FBXW7: variants seen among roughly 807,000 people sequenced by gnomAD.
FBXW7 encodes the protein F-box/WD repeat-containing protein 7.
In FBXW7, 11 loss-of-function variants were observed where a neutral mutation model predicts 86.3. That is an observed-to-expected ratio of 0.13 (90% CI 0.08 to 0.21). FBXW7 has a LOEUF of 0.21. Among genes scored for constraint, FBXW7 ranks in the 10% least tolerant of loss-of-function variants. FBXW7 has a pLI of 1.00. For synonymous variants in FBXW7, 313 were observed against 297.9 expected, an observed-to-expected ratio of 1.05 and a Z score of -0.52; for missense variants, 488 against 847.4, an observed-to-expected ratio of 0.58 and a Z score of 5.27.
Position 152,322,523 on chromosome 4 carries a change from G to T in FBXW7, c.*358C>A, listed in dbSNP as rs1241178042. 1 of 275,370 alleles carries T rather than the reference G, an allele frequency of 3.6e-6. No homozygotes were observed. Among genetic ancestry groups the T allele is most frequent in the Non-Finnish European group, 7.0e-6 (1 of 143,354 alleles). 17.1% of individuals were successfully genotyped at this position (275,370 alleles called of 1,614,324 possible). A position where few individuals can be genotyped will look rare whatever the true frequency, so the allele number is the denominator to read the frequency against. ...TCAGTGGTAAAAGAACAGGCTAGCA[G>T]AATCTGTAATGATGTTTCAGCATTA... On this transcript the variant is annotated 3_prime_UTR_variant, in exon 14 of 14. Coordinates refer to ENST00000281708, the MANE Select transcript of FBXW7 (RefSeq NM_001349798.2).
chr4:152,405,517 G>A (rs1489789582), intron 4 of FBXW7, among the ~76,000 whole-genome samples: 1 of 152,058 alleles, frequency 6.6e-6, no homozygotes, highest in East Asian at 1.9e-4. Flanking sequence ...GTGGGAAATG[G>A]GGCACCAGAT....
At chr4:152,484,792 T>C (rs1022538466) in intron 2 of FBXW7, among the ~76,000 whole-genome samples, 1 of 151,920 alleles carries the variant, frequency 6.6e-6, no homozygotes, top group Non-Finnish European at 1.5e-5. Context: ...CGAAACCCTG[T>C]CTCTACTAAA....
intron 2 of FBXW7, among the ~76,000 whole-genome samples, chr4:152,489,814 C>T (rs1007960540): frequency 1.3e-5 from 2 of 151,936 alleles, no homozygotes; most frequent in African/African-American, 4.8e-5. Flanking sequence ...CCCTCAATAC[C>T]ACCCCCATGC....
intron 2 of FBXW7, among the ~76,000 whole-genome samples, chr4:152,508,682 A>T (rs1747670660): frequency 6.6e-6 from 1 of 151,626 alleles, no homozygotes; most frequent in Non-Finnish European, 1.5e-5. Context: ...AAAAAACAGC[A>T]AGGAAGTTAA....
intron 4 of FBXW7, among the ~76,000 whole-genome samples, chr4:152,351,092 T>C (rs1731771176): frequency 6.6e-6 from 1 of 152,046 alleles, no homozygotes; most frequent in Non-Finnish European, 1.5e-5. Flanking sequence ...TACTGCAAGT[T>C]ATAGGAGGAA....
chr4:152,333,019 T>TA (rs1309892223), intron 7 of FBXW7, among the ~76,000 whole-genome samples: 3 of 151,972 alleles, frequency 2.0e-5, no homozygotes, highest in South Asian at 2.1e-4. Context: ...CTCAATTTTT[T>TA]AAAAAAAATG....
At chr4:152,435,201 T>C (rs1034315467) in intron 2 of FBXW7, among the ~76,000 whole-genome samples, 1 of 152,108 alleles carries the variant, frequency 6.6e-6, no homozygotes, top group African/African-American at 2.4e-5. Flanking sequence ...AATGTTAAAG[T>C]AAGGAAAATG....
intron 9 of FBXW7, among the ~76,000 whole-genome samples, chr4:152,330,173 A>C (rs1206154598): frequency 6.6e-6 from 1 of 151,926 alleles, no homozygotes; most frequent in Non-Finnish European, 1.5e-5. Flanking sequence ...AATTATTAGC[A>C]TTCTTAAAAC....
Position 152,466,727 on chromosome 4 carries a change from G to A in FBXW7, c.-119-54198C>T, listed in dbSNP as rs559101039. ...GGAGGCCGAGGTGGGCGGATCACGAGGTCAGGAGATCGAGACCATCCTGGC... is the reference window on the plus strand; with the variant it reads ...GGAGGCCGAGGTGGGCGGATCACGAAGTCAGGAGATCGAGACCATCCTGGC... On this transcript the variant is annotated intron_variant, in intron 2 of 13. Transcript: ENST00000281708. 6.9e-4 allele frequency among the ~76,000 whole-genome samples: 105 copies of A among 152,232 alleles called. 2 individuals are homozygous for A. The highest frequency in any genetic ancestry group is 6.9e-3 in the Admixed American group (105 of 15,288).
intron 2 of FBXW7, among the ~76,000 whole-genome samples, chr4:152,445,876 C>T (rs1157206987): frequency 1.4e-5 from 2 of 140,872 alleles, no homozygotes; most frequent in Admixed American, 7.6e-5. Context: ...CGCCACTGTA[C>T]TCCAACCTGG....
At chr4:152,475,564 C>A (rs2149660316) in intron 2 of FBXW7, among the ~76,000 whole-genome samples, 2 of 152,184 alleles carry the variant, frequency 1.3e-5, no homozygotes, top group Middle Eastern at 3.4e-3. Flanking sequence ...AAAAGGTATA[C>A]AAATTTAAAA....
intron 4 of FBXW7, among the ~76,000 whole-genome samples, chr4:152,400,635 T>C (rs1181546288): frequency 2.0e-5 from 3 of 152,018 alleles, no homozygotes; most frequent in Admixed American, 1.3e-4. Context: ...GTGTGAGCCA[T>C]GGCACCCAGC....
intron 2 of FBXW7, among the ~76,000 whole-genome samples, chr4:152,487,938 CAG>C (rs1370678503): frequency 6.6e-6 from 1 of 151,984 alleles, no homozygotes; most frequent in Non-Finnish European, 1.5e-5. Flanking sequence ...TGTAAATTAA[CAG>C]AAGCAAATTG....
intron 2 of FBXW7, among the ~76,000 whole-genome samples, chr4:152,509,148 G>A (rs1332827380): frequency 1.3e-5 from 2 of 152,112 alleles, no homozygotes; most frequent in African/African-American, 2.4e-5. Flanking sequence ...AATACAACAC[G>A]TGAATAATTT....
intron 2 of FBXW7, among the ~76,000 whole-genome samples, chr4:152,459,836 A>G (rs1373051322): frequency 6.6e-6 from 1 of 152,246 alleles, no homozygotes; most frequent in Non-Finnish European, 1.5e-5. Context: ...TTATTGTGCT[A>G]TAATCACCTA....
At chr4:152,356,842 C>T (rs1473848489) in intron 4 of FBXW7, among the ~76,000 whole-genome samples, 1 of 152,084 alleles carries the variant, frequency 6.6e-6, no homozygotes, top group African/African-American at 2.4e-5. Context: ...GCAGTATTGG[C>T]CAATAAGCAA....
chr4:152,352,654 G>A (rs2126663451), intron 4 of FBXW7: 1 of 1,613,858 alleles, frequency 6.2e-7, no homozygotes, highest in South Asian at 1.1e-5. Flanking sequence ...AGGAAGATTA[G>A]GGAGCAGAAC....
At chr4:152,533,920 G>A (rs1045320261) in intron 2 of FBXW7, among the ~76,000 whole-genome samples, 10 of 152,170 alleles carry the variant, frequency 6.6e-5, no homozygotes, top group Admixed American at 3.9e-4. Context: ...TCTCAGCAGT[G>A]GCTTCAGACA....
intron 2 of FBXW7, among the ~76,000 whole-genome samples, chr4:152,513,960 G>A (rs1748226699): frequency 6.6e-6 from 1 of 152,258 alleles, no homozygotes; most frequent in South Asian, 2.1e-4. Flanking sequence ...CAGATGTCTT[G>A]TAAGTATAAA....
Sources: allele counts gnomAD v4.1 joint callset (sites outside exome capture counted in the v4.1 genomes callset), GRCh38; gene constraint gnomAD v4.1.1; transcripts MANE v1.5; gene names NCBI Gene and HGNC (gene_info 2026-07-23, HGNC 2026-07-21).